MACROD2: variants seen among roughly 807,000 people sequenced by gnomAD.
The protein encoded by MACROD2 is ADP-ribose glycohydrolase MACROD2.
Under a neutral mutation model 70.4 loss-of-function variants are expected in MACROD2, and 36 were observed. The observed-to-expected ratio is 0.51, with a 90% CI of 0.39 to 0.68. The LOEUF (loss-of-function observed/expected upper bound fraction) is 0.68. MACROD2 is among the 30% of genes least tolerant of loss of function. The probability of loss-of-function intolerance (pLI) is 0.00; values close to 1 mark genes in which losing one functional copy is unlikely to be tolerated. For synonymous variants in MACROD2, 172 were observed against 178.8 expected (o/e 0.96, Z 0.30); for missense variants, 496 against 538.4 (o/e 0.92, Z 0.78).
intron 5 of MACROD2, among the ~76,000 whole-genome samples, chr20:14,880,029 G>C (rs754794128): frequency 6.6e-6 from 1 of 152,098 alleles, no homozygotes. Flanking sequence ...TCGTGCTTTC[G>C]TTTTGGATGA....
chr20:14,633,246 G>A (rs560776139), intron 4 of MACROD2, among the ~76,000 whole-genome samples: 37 of 152,276 alleles, frequency 2.4e-4, no homozygotes, highest in Non-Finnish European at 4.1e-4. Flanking sequence ...TTCATTTTAA[G>A]CCCATCTGGA....
chr20:15,168,200 G>A (rs901116645), intron 5 of MACROD2, among the ~76,000 whole-genome samples: 4 of 152,092 alleles, frequency 2.6e-5, no homozygotes, highest in Non-Finnish European at 5.9e-5. Context: ...GTGGTGGAGC[G>A]ATCACTGGGC....
intron 2 of MACROD2, among the ~76,000 whole-genome samples, chr20:14,034,830 A>G (rs2053288578): frequency 6.6e-6 from 1 of 152,218 alleles, no homozygotes. Context: ...CTAAGAGTTC[A>G]TTGTACATTA....
chr20:14,490,552 G>A (rs2084782964), intron 3 of MACROD2, among the ~76,000 whole-genome samples: 1 of 152,138 alleles, frequency 6.6e-6, no homozygotes, highest in South Asian at 2.1e-4. Context: ...AGGGAAATGT[G>A]AAGTAAAATA....
chr20:14,718,009 TA>T (rs2071416351), intron 5 of MACROD2, among the ~76,000 whole-genome samples: 1 of 152,014 alleles, frequency 6.6e-6, no homozygotes, highest in Admixed American at 6.5e-5. Context: ...TGTGAATGTA[TA>T]CAGAGATGGT....
intron 8 of MACROD2, among the ~76,000 whole-genome samples, chr20:15,843,826 T>C (rs2064200587): frequency 1.3e-5 from 2 of 152,124 alleles, no homozygotes; most frequent in Admixed American, 1.3e-4. Flanking sequence ...CATCTGCAAT[T>C]TGCATTGCTC....
rs186730508 is a variant in MACROD2, at chr20:14,535,373, C to T, written c.301+41865C>T. Among the ~76,000 whole-genome samples the T allele has an allele frequency of 2.2e-3, 332 of 151,754 alleles. 1 individual carries two copies. Among genetic ancestry groups the T allele is most frequent in the Admixed American group, 3.3e-3 (51 of 15,236 alleles). ...ACAAAAAATTAGCTGGGCGTAGTGG[C>T]GGGCACTTGTAATCCCAGCTACTCC... On this transcript the variant is annotated intron_variant, in intron 4 of 17. Transcript: ENST00000684519.
chr20:14,541,489 A>G (rs541308341), intron 4 of MACROD2, among the ~76,000 whole-genome samples: 1 of 152,136 alleles, frequency 6.6e-6, no homozygotes, highest in African/African-American at 2.4e-5. Context: ...TTATGAACTT[A>G]TTTTCTATCT....
chr20:14,407,579 G>A (rs548185575), intron 3 of MACROD2, among the ~76,000 whole-genome samples: 13 of 152,054 alleles, frequency 8.5e-5, no homozygotes, highest in Non-Finnish European at 1.8e-4. Context: ...CAGTAAAATC[G>A]AATTCCTGTG....
At chr20:15,418,343 T>C (rs1254500933) in intron 6 of MACROD2, among the ~76,000 whole-genome samples, 1 of 152,184 alleles carries the variant, frequency 6.6e-6, no homozygotes, top group African/African-American at 2.4e-5. Flanking sequence ...GTATTCTCTC[T>C]CCCTCCTAAC....
intron 5 of MACROD2, among the ~76,000 whole-genome samples, chr20:14,699,155 A>G (rs2071162827): frequency 6.6e-6 from 1 of 152,154 alleles, no homozygotes; most frequent in Admixed American, 6.5e-5. Context: ...AAGCTCATGA[A>G]TTGATAGTGA....
intron 5 of MACROD2, among the ~76,000 whole-genome samples, chr20:15,103,929 A>G (rs1479364005): frequency 6.6e-6 from 1 of 152,078 alleles, no homozygotes; most frequent in Non-Finnish European, 1.5e-5. Context: ...TACCTGGGGC[A>G]AAGGGAGAGA....
chr20:15,566,416 T>G (rs1211342619), intron 8 of MACROD2, among the ~76,000 whole-genome samples: 2 of 151,922 alleles, frequency 1.3e-5, no homozygotes, highest in Non-Finnish European at 2.9e-5. Context: ...GAGAATAGCT[T>G]GAACCCGGGA....
intron 5 of MACROD2, among the ~76,000 whole-genome samples, chr20:14,862,214 T>TGTAA (rs1410063188): frequency 6.4e-5 from 1 of 15,558 alleles, no homozygotes; most frequent in South Asian, 2.4e-3. Context: ...TAAATATATA[T>TGTAA]ATATATAAAT....
intron 5 of MACROD2, among the ~76,000 whole-genome samples, chr20:15,141,009 C>G (rs554564028): frequency 6.6e-6 from 1 of 152,258 alleles, no homozygotes; most frequent in South Asian, 2.1e-4. Context: ...CATTCAGGCA[C>G]TAGCATACAT....
intron 5 of MACROD2, among the ~76,000 whole-genome samples, chr20:15,034,362 GC>G (rs1186609307): frequency 2.0e-5 from 3 of 152,094 alleles, no homozygotes; most frequent in Non-Finnish European, 4.4e-5. Flanking sequence ...AACTTTCTCT[GC>G]TGTGTTCCTG....
At chr20:14,523,692 C>T (rs1052700633) in intron 4 of MACROD2, among the ~76,000 whole-genome samples, 4 of 152,164 alleles carry the variant, frequency 2.6e-5, no homozygotes, top group Non-Finnish European at 4.4e-5. Context: ...TAGCAGAGAT[C>T]CTACCTAGTC....
chr20:14,255,982 G>A (rs1373827088), intron 3 of MACROD2, among the ~76,000 whole-genome samples: 3 of 151,866 alleles, frequency 2.0e-5, no homozygotes, highest in Non-Finnish European at 4.4e-5. Context: ...ATTTTGAAGA[G>A]TTCTCTGCCT....
chr20:15,732,126 T>G (rs1365262600), intron 8 of MACROD2, among the ~76,000 whole-genome samples: 1 of 151,150 alleles, frequency 6.6e-6, no homozygotes, highest in Non-Finnish European at 1.5e-5. Flanking sequence ...TGCTATTGTC[T>G]GTGTTTGCAC....
Sources: allele counts gnomAD v4.1 joint callset (sites outside exome capture counted in the v4.1 genomes callset), GRCh38; gene constraint gnomAD v4.1.1; transcripts MANE v1.5; gene names NCBI Gene and HGNC (gene_info 2026-07-23, HGNC 2026-07-21).